NSD2: variants seen among roughly 807,000 people sequenced by gnomAD.
NSD2 encodes the protein nuclear receptor binding SET domain protein 2.
Under a neutral mutation model 139.0 loss-of-function variants are expected in NSD2, and 12 were observed. The observed-to-expected ratio is 0.09, with a 90% CI of 0.06 to 0.14. NSD2 has a LOEUF of 0.14. Among genes scored for constraint, NSD2 ranks in the 10% least tolerant of loss-of-function variants. NSD2 has a pLI of 1.00. For missense variants in NSD2, 1,155 were observed against 1,745.0 expected (o/e 0.66, Z 6.02); for synonymous variants, 669 against 648.7 (o/e 1.03, Z -0.48).
intron 12 of NSD2, 136 bp downstream of exon 12, chr4:1,953,660 G>T (rs1724514325): frequency 7.8e-6 from 9 of 1,149,032 alleles, no homozygotes; most frequent in Middle Eastern, 3.0e-4. Context: ...CTGGACATCG[G>T]CTGGGTTGGG....
Position 1,953,466 on chromosome 4 carries a change from C to T in NSD2, c.2280C>T (p.Pro760=), listed in dbSNP as rs751878561. ...TVFESRGFRC[P]LHSCVSCHAS... is the part of the protein sequence containing the mutation. ...TTGAGAGCCGAGGTTTCCGCTGCCCCCTCCACAGCTGTGTGAGCTGCCATG... is the reference window on the plus strand; with the variant it reads ...TTGAGAGCCGAGGTTTCCGCTGCCCTCTCCACAGCTGTGTGAGCTGCCATG... The change falls in exon 12 of 22, where the codon CCC becomes CCT. Residue 760 remains proline, a synonymous_variant. Transcript: ENST00000508803. The T allele has an allele frequency of 1.2e-6, 2 of 1,614,128 alleles. No homozygotes were observed. The highest frequency in any genetic ancestry group is 2.2e-5 in the East Asian group (1 of 44,874).
At chr4:1,939,388 G>T in intron 8 of NSD2, 1 of 454,714 alleles carries the variant, frequency 2.2e-6, no homozygotes, top group East Asian at 3.6e-5. Flanking sequence ...TCTGGCAGGG[G>T]GACGTGGAAC....
chr4:1,892,174 C>A (rs891402463), intron 1 of NSD2: 6 of 152,242 alleles, frequency 3.9e-5, no homozygotes, highest in African/African-American at 1.4e-4. Context: ...AGAGATGGGT[C>A]TCGCCATCAC....
rs1397847005 is a variant in NSD2 at position 1,883,919 on chromosome 4, AG to A, written c.-30+12379del. Reference sequence around the variant, plus strand: ...TTCATGGTTTTCTACACAGTAGCCTAGGATAGAGGCTGAACTGTCACGAGAG... The same window carrying A: ...TTCATGGTTTTCTACACAGTAGCCTAGATAGAGGCTGAACTGTCACGAGAG... On this transcript the variant is annotated intron_variant, in intron 1 of 21. Coordinates refer to ENST00000508803, the MANE Select transcript of NSD2 (RefSeq NM_001042424.3). 3.9e-5 allele frequency among the ~76,000 whole-genome samples: 6 copies of A among 152,336 alleles called. No individual in the cohort carries two copies. The East Asian group carries it at 1.2e-3, about 29-fold the overall frequency.
chr4:1,977,356 G>A (rs754237782), intron 21 of NSD2, among the ~76,000 whole-genome samples: 19 of 152,244 alleles, frequency 1.2e-4, no homozygotes, highest in Non-Finnish European at 1.9e-4. Flanking sequence ...CTGGCGGTGC[G>A]CAGACATCAT....
chr4:1,940,868 C>T (rs1723020932), intron 9 of NSD2: 2 of 1,057,786 alleles, frequency 1.9e-6, no homozygotes, highest in Non-Finnish European at 2.3e-6. Context: ...GGGCGGGGCT[C>T]ATAGAGCTCT....
chr4:1,906,464 T>C (rs1454191208), intron 3 of NSD2, among the ~76,000 whole-genome samples: 1 of 151,706 alleles, frequency 6.6e-6, no homozygotes, highest in African/African-American at 2.4e-5. Context: ...GGTCTCAAAC[T>C]CCTGGGCCCC....
chr4:1,962,122 C>T (rs1725430659), intron 18 of NSD2, among the ~76,000 whole-genome samples: 1 of 152,218 alleles, frequency 6.6e-6, no homozygotes, highest in Admixed American at 6.5e-5. Flanking sequence ...TGTCAGGTGG[C>T]CCCTGGGGAA....
intron 3 of NSD2, among the ~76,000 whole-genome samples, chr4:1,909,030 T>G (rs1337141063): frequency 1.3e-5 from 2 of 152,094 alleles, no homozygotes; most frequent in Non-Finnish European, 2.9e-5. Flanking sequence ...ACTTTCTACA[T>G]TTTAGTTGTC....
In NSD2 at chr4:1,942,711, C is replaced by T. The variant is rs1169556764; in HGVS notation, c.1881+2933C>T. 2.1e-5 allele frequency: 23 copies of T among 1,100,548 alleles called. No individual in the cohort carries two copies. Among genetic ancestry groups the T allele is most frequent in the South Asian group, 1.1e-4 (3 of 26,204 alleles). The allele number at this position is 1,100,548 out of a possible 1,614,324, so 68.2% of individuals were successfully genotyped here. A position where few individuals can be genotyped will look rare whatever the true frequency, so the allele number is the denominator to read the frequency against. On this transcript the variant is annotated intron_variant, in intron 9 of 21. Transcript: ENST00000508803. The surrounding 1 kb of genome is among the most constrained non-coding windows in gnomAD (Gnocchi z 4.0). The stretch of plus-strand genomic sequence containing the variant: ...TCCAGAGCTGCAGCAGGGCTTTGCA[C>T]GGAAGGGGTGGCCCTGTTAGAGTTG...
In NSD2 at chr4:1,975,355, G is replaced by A. The variant is rs1319988265; in HGVS notation, c.3576G>A (p.Arg1192=). The A allele has an allele frequency of 6.2e-7, 1 of 1,614,098 alleles. No individual in the cohort carries two copies. Among genetic ancestry groups the A allele is most frequent in the African/African-American group, 1.3e-5 (1 of 74,918 alleles). The change falls in exon 20 of 22, where the codon CGG becomes CGA. Residue 1192 remains arginine, a synonymous_variant. Coordinates refer to ENST00000508803, the MANE Select transcript of NSD2 (RefSeq NM_001042424.3). ...TGGGCAATGAAAAAACGGTCTGCCG[G>A]TGTGGAGCCTCCAATTGCAGTGGAT... ...DCLGNEKTVC[R]CGASNCSGFL...
At chr4:1,871,801 C>T (rs531084407) in intron 1 of NSD2, among the ~76,000 whole-genome samples, 73 of 137,974 alleles carry the variant, frequency 5.3e-4, no homozygotes, top group African/African-American at 1.9e-3. Context: ...GAGGACCGGG[C>T]GGACCGCGGA....
intron 6 of NSD2, 71 bp from the exon 7 acceptor site, chr4:1,935,073 G>T (rs1722230383): frequency 4.0e-6 from 5 of 1,248,810 alleles, no homozygotes; most frequent in Non-Finnish European, 5.7e-6. Flanking sequence ...CCCTGGGTAG[G>T]TTCTCACAGT....
chr4:1,934,725 G>A (rs1722098035), intron 6 of NSD2, among the ~76,000 whole-genome samples: 1 of 147,090 alleles, frequency 6.8e-6, no homozygotes, highest in South Asian at 2.2e-4. Flanking sequence ...GCACGTGCCT[G>A]TAATCCCAGC....
At chr4:1,951,237 T>G in intron 10 of NSD2, 34 bp downstream of exon 10, 1 of 1,612,992 alleles carries the variant, frequency 6.2e-7, no homozygotes, top group African/African-American at 1.3e-5. Flanking sequence ...ATGTCCGTGC[T>G]GGTGTCTGAC....
Position 1,956,866 on chromosome 4 carries a change from G to A in NSD2, c.2881+678G>A, listed in dbSNP as rs1037245626. Among the ~76,000 whole-genome samples, 41 of 152,260 alleles carry A rather than the reference G, an allele frequency of 2.7e-4. No individual in the cohort carries two copies. The highest frequency in any genetic ancestry group is 9.6e-4 in the African/African-American group (40 of 41,466). The stretch of plus-strand genomic sequence containing the variant: ...TGTGTGACTGCAGGCGGGGACCCGC[G>A]TATTTAAAGCTTGGTTAGCTCCATG... On this transcript the variant is annotated intron_variant, in intron 15 of 21. Transcript: ENST00000508803. The surrounding 1 kb of genome is among the most constrained non-coding windows in gnomAD (Gnocchi z 5.3).
At position 1,900,688 on chromosome 4, in the gene NSD2, G is replaced by C. The variant is rs372147092; in HGVS notation, c.34G>C (p.Val12Leu). 4 of 1,608,304 alleles carry C rather than the reference G, an allele frequency of 2.5e-6. No homozygotes were observed. The African/African-American group carries it at 5.4e-5, about 22-fold the overall frequency. ...TAGCATCAAGCAGAGTCCCCTTTCTGTTCAGAGTGTTGTAAAGTGCATAAA... is the reference window on the plus strand; with the variant it reads ...TAGCATCAAGCAGAGTCCCCTTTCTCTTCAGAGTGTTGTAAAGTGCATAAA... ...EFSIKQSPLS[V>L]QSVVKCIKMK... Residue 12 changes from valine (V) to leucine (L), a missense_variant, in exon 2 of 22, where the codon GTT (valine) becomes CTT (leucine). Coordinates refer to ENST00000508803, the MANE Select transcript of NSD2 (RefSeq NM_001042424.3).
intron 9 of NSD2, chr4:1,943,154 C>T: frequency 9.6e-7 from 1 of 1,043,582 alleles, no homozygotes; most frequent in South Asian, 4.6e-5. Flanking sequence ...GGTGTCCTGC[C>T]CCAGGTGTCC....
Position 1,978,986 on chromosome 4 carries a change from A to G in NSD2, c.*77A>G. ...TGCCTGCGGGAGAGGGCGAGCATGA[A>G]CTGGCCCGGAGGACCCAGCTCGAGC... On this transcript the variant is annotated 3_prime_UTR_variant, in exon 22 of 22. Transcript: ENST00000508803. 1 of 1,430,074 alleles carries G rather than the reference A, an allele frequency of 7.0e-7. No homozygotes were observed. The highest frequency in any genetic ancestry group is 9.2e-7 in the Non-Finnish European group (1 of 1,090,690). 88.6% of individuals were successfully genotyped at this position (1,430,074 alleles called of 1,614,324 possible). A position where few individuals can be genotyped will look rare whatever the true frequency, so the allele number is the denominator to read the frequency against.
Sources: allele counts gnomAD v4.1 joint callset (sites outside exome capture counted in the v4.1 genomes callset), GRCh38; gene constraint gnomAD v4.1.1; non-coding constraint Gnocchi (gnomAD v3.1); transcripts MANE v1.5; gene names NCBI Gene and HGNC (gene_info 2026-07-23, HGNC 2026-07-21).